Variants in ARID1B observed in about 807,000 individuals in gnomAD.
ARID1B encodes the protein AT-rich interactive domain-containing protein 1B.
ARID1B carries 30 observed loss-of-function variants against 212.3 expected under a neutral mutation model. The ratio of observed to expected loss-of-function variants is 0.14; its 90% confidence interval spans 0.11 to 0.19. The LOEUF (loss-of-function observed/expected upper bound fraction) is 0.19. ARID1B is among the 10% of genes least tolerant of loss of function. The probability of loss-of-function intolerance (pLI) is 1.00; values close to 1 mark genes in which losing one functional copy is unlikely to be tolerated. For synonymous variants in ARID1B, 1,402 were observed against 1,301.7 expected (o/e 1.08, Z -1.66); for missense variants, 2,891 against 3,204.0 (o/e 0.90, Z 2.36).
intron 3 of ARID1B, among the ~76,000 whole-genome samples, chr6:156,922,697 A>C (rs1445445102): frequency 6.6e-6 from 1 of 152,218 alleles, no homozygotes; most frequent in East Asian, 1.9e-4. Flanking sequence ...ATTGTTGATT[A>C]TCTCTGTTCT....
chr6:156,797,647 T>C (rs1780480574), intron 1 of ARID1B, among the ~76,000 whole-genome samples: 1 of 152,188 alleles, frequency 6.6e-6, no homozygotes, highest in African/African-American at 2.4e-5. Flanking sequence ...GATCATCTCA[T>C]GTACTTGGTG....
chr6:156,812,875 TAAAA>T (rs774801335), intron 1 of ARID1B, among the ~76,000 whole-genome samples: 1 of 103,506 alleles, frequency 9.7e-6, no homozygotes. Flanking sequence ...TGGTATGTTA[TAAAA>T]AAAAAAAAAA....
At chr6:157,092,935 C>G (rs1785370314) in intron 5 of ARID1B, among the ~76,000 whole-genome samples, 1 of 152,168 alleles carries the variant, frequency 6.6e-6, no homozygotes, top group Non-Finnish European at 1.5e-5. Context: ...AGAAGCACTT[C>G]AGACACCTCG....
chr6:156,994,890 C>G (rs975634866), intron 4 of ARID1B, among the ~76,000 whole-genome samples: 1 of 152,248 alleles, frequency 6.6e-6, no homozygotes, highest in Non-Finnish European at 1.5e-5. Context: ...CAGCCATGCA[C>G]CAGTGCCTGC....
intron 6 of ARID1B, among the ~76,000 whole-genome samples, chr6:157,131,174 T>C (rs149818871): frequency 1.7e-3 from 264 of 152,344 alleles, no homozygotes; most frequent in African/African-American, 6.1e-3. Context: ...GAATTTAACA[T>C]CCATTCATTT....
intron 1 of ARID1B, among the ~76,000 whole-genome samples, chr6:156,812,356 A>G (rs1583084261): frequency 6.6e-6 from 1 of 151,980 alleles, no homozygotes; most frequent in African/African-American, 2.4e-5. Flanking sequence ...TTTAATTATT[A>G]TCTACCTTAA....
chr6:157,171,356 GAGAAGGA>G (rs2128298986), intron 9 of ARID1B, among the ~76,000 whole-genome samples: 1 of 152,290 alleles, frequency 6.6e-6, no homozygotes, highest in African/African-American at 2.4e-5. Flanking sequence ...GTGTCAATAG[GAGAAGGA>G]ACAGTGCCTT....
At chr6:157,129,801 G>C (rs538254026) in intron 6 of ARID1B, among the ~76,000 whole-genome samples, 1 of 152,306 alleles carries the variant, frequency 6.6e-6, no homozygotes, top group East Asian at 1.9e-4. Flanking sequence ...CCTTGCCTAG[G>C]TAAGAATTCT....
chr6:156,796,393 G>A (rs1193941172), intron 1 of ARID1B, among the ~76,000 whole-genome samples: 1 of 138,534 alleles, frequency 7.2e-6, no homozygotes, highest in African/African-American at 2.9e-5. Flanking sequence ...TGTAAGACTG[G>A]ACCTTTACTT....
At chr6:157,066,635 C>T (rs1783694271) in intron 4 of ARID1B, among the ~76,000 whole-genome samples, 1 of 151,974 alleles carries the variant, frequency 6.6e-6, no homozygotes, top group African/African-American at 2.4e-5. Context: ...ATCATTTAGT[C>T]CCTTCGTTAG....
In ARID1B at chr6:157,208,221, G is replaced by A; in HGVS notation, c.*330G>A. On this transcript the variant is annotated 3_prime_UTR_variant, in exon 20 of 20. Transcript: ENST00000636930. Reference sequence around the variant, plus strand: ...CTTTCCCATGTTGTATTGCATTTTTGGGGGAAGCAAATTGACTTTAAAGAA... The same window carrying A: ...CTTTCCCATGTTGTATTGCATTTTTAGGGGAAGCAAATTGACTTTAAAGAA... 1 of 258,900 alleles carries A rather than the reference G, an allele frequency of 3.9e-6. No homozygotes were observed. The highest frequency in any genetic ancestry group is 2.2e-5 in the African/African-American group (1 of 45,980). 16.0% of individuals were successfully genotyped at this position (258,900 alleles called of 1,614,324 possible). A position where few individuals can be genotyped will look rare whatever the true frequency, so the allele number is the denominator to read the frequency against.
At position 156,931,428 on chromosome 6, in the gene ARID1B, A is replaced by G. The variant is rs143412363; in HGVS notation, c.2137-4038A>G. The stretch of plus-strand genomic sequence containing the variant: ...TACCCTTTCCTGTAGTAGAAGTGGG[A>G]TACTAGTGTTTTCCTCCTGGTCATG... On this transcript the variant is annotated intron_variant, in intron 3 of 19. Transcript: ENST00000636930. Among the ~76,000 whole-genome samples, 666 of 152,196 alleles carry G rather than the reference A, an allele frequency of 4.4e-3. 2 individuals carry two copies. Among genetic ancestry groups the G allele is most frequent in the African/African-American group, 0.015 (627 of 41,516 alleles).
chr6:157,002,000 A>G (rs1407844897), intron 4 of ARID1B, among the ~76,000 whole-genome samples: 2 of 152,232 alleles, frequency 1.3e-5, no homozygotes, highest in Non-Finnish European at 2.9e-5. Context: ...GTGTCCACAC[A>G]GCTCCTGCTC....
intron 4 of ARID1B, among the ~76,000 whole-genome samples, chr6:157,035,574 A>G (rs1781275409): frequency 6.6e-6 from 1 of 152,222 alleles, no homozygotes; most frequent in Non-Finnish European, 1.5e-5. Flanking sequence ...ATTAAAATGT[A>G]AACAGAAATG....
chr6:157,206,604 C>T lies in ARID1B; in HGVS notation c.5832C>T (p.Leu1944=), dbSNP rs760779848. Residue 1944 remains leucine, a synonymous_variant, in exon 20 of 20, where the codon CTC becomes CTT. Transcript: ENST00000636930. This position sits in a 1 kb window ranked among gnomAD's most constrained non-coding sequence, Gnocchi z 6.8. The part of the protein sequence containing the change: ...EFNSGLLHWQ[L]GGGDTTEHIQ... ...ATAGTGGCCTTCTGCACTGGCAGCTCGGCGGGGGTGACACCACCGAGCACA... is the reference window on the plus strand; with the variant it reads ...ATAGTGGCCTTCTGCACTGGCAGCTTGGCGGGGGTGACACCACCGAGCACA... 43 of 1,613,836 alleles carry T rather than the reference C, an allele frequency of 2.7e-5. No individual in the cohort carries two copies. The highest frequency in any genetic ancestry group is 4.0e-5 in the African/African-American group (3 of 74,846).
intron 3 of ARID1B, among the ~76,000 whole-genome samples, chr6:156,909,071 G>C (rs1040029502): frequency 2.1e-5 from 3 of 143,706 alleles, no homozygotes; most frequent in Admixed American, 6.9e-5. Context: ...AAATCATTCT[G>C]TATGTGTGTA....
intron 2 of ARID1B, among the ~76,000 whole-genome samples, chr6:156,891,828 C>A (rs1464457715): frequency 2.0e-5 from 3 of 151,476 alleles, no homozygotes; most frequent in African/African-American, 4.9e-5. Context: ...CTCCTTGCTA[C>A]ACATATCTTT....
At position 156,829,107 on chromosome 6, in the gene ARID1B, T is replaced by G. The variant is rs548750425; in HGVS notation, c.1792-120T>G. The G allele has an allele frequency of 1.5e-5, 12 of 807,816 alleles. No homozygotes were observed. The South Asian group carries it at 2.9e-4, about 19-fold the overall frequency. The allele number at this position is 807,816 out of a possible 1,614,324, so 50.0% of individuals were successfully genotyped here. On this transcript the variant is annotated intron_variant, in intron 1 of 19. Transcript: ENST00000636930. ...CTGGATGTTTTGTCAGGTCATTGTT[T>G]TTAATATTTTTAAAACTTAAGGATA...
At chr6:156,892,066 T>A (rs1419510010) in intron 2 of ARID1B, among the ~76,000 whole-genome samples, 56 of 147,500 alleles carry the variant, frequency 3.8e-4, no homozygotes, top group African/African-American at 1.4e-3. Flanking sequence ...TTTTCTTTTT[T>A]TTTTTGTATT....
Sources: allele counts gnomAD v4.1 joint callset (sites outside exome capture counted in the v4.1 genomes callset), GRCh38; gene constraint gnomAD v4.1.1; non-coding constraint Gnocchi (gnomAD v3.1); transcripts MANE v1.5; gene names NCBI Gene and HGNC (gene_info 2026-07-23, HGNC 2026-07-21).